The following ASAP2 variants were observed in gnomAD, a reference collection of about 807,000 sequenced individuals.
The protein encoded by ASAP2 is arf-GAP with SH3 domain, ANK repeat and PH domain-containing protein 2.
A neutral mutation model predicts 131.4 loss-of-function variants in ASAP2; 45 were observed. The ratio of observed to expected loss-of-function variants is 0.34; its 90% CI spans 0.27 to 0.44. The LOEUF (loss-of-function observed/expected upper bound fraction) is 0.44. ASAP2 is among the 20% of genes least tolerant of loss of function. The pLI is 1.00. For synonymous variants in ASAP2, 510 were observed against 503.0 expected (o/e 1.01, Z -0.19); for missense variants, 1,011 against 1,297.0 (o/e 0.78, Z 3.39).
At chr2:9,292,286 G>A (rs934947801) in intron 2 of ASAP2, among the ~76,000 whole-genome samples, 5 of 152,146 alleles carry the variant, frequency 3.3e-5, no homozygotes, top group African/African-American at 7.2e-5. Context: ...TTGGGAGGCT[G>A]AGGAGGGTGG....
chr2:9,334,841 T>TA (rs1321927543), intron 8 of ASAP2, 28 bp downstream of exon 8: 1 of 1,584,284 alleles, frequency 6.3e-7, no homozygotes, highest in African/African-American at 1.4e-5. Flanking sequence ...CACTGTGGTT[T>TA]AAAACCATCT....
intron 9 of ASAP2, among the ~76,000 whole-genome samples, chr2:9,339,329 T>C (rs534380175): frequency 2.0e-5 from 3 of 152,162 alleles, no homozygotes; most frequent in African/African-American, 7.2e-5. Flanking sequence ...ATTTGAATCC[T>C]GGGTCTCCCA....
intron 25 of ASAP2, 147 bp downstream of exon 25, chr2:9,400,219 TCCCCTCCTGCCCCC>T (rs1329343333): frequency 6.0e-5 from 27 of 453,364 alleles, no homozygotes; most frequent in South Asian, 2.4e-4. Context: ...TCCTGCCCCC[TCCCCTCCTGCCCCC>T]TCCCCTCCTG....
At chr2:9,237,095 C>T (rs567132847) in intron 1 of ASAP2, among the ~76,000 whole-genome samples, 1 of 152,194 alleles carries the variant, frequency 6.6e-6, no homozygotes, top group South Asian at 2.1e-4. Flanking sequence ...AGTCTCTGAC[C>T]TCTTGGCTGT....
chr2:9,383,606 A>T (rs926533165), intron 20 of ASAP2, among the ~76,000 whole-genome samples: 4 of 152,174 alleles, frequency 2.6e-5, no homozygotes, highest in Non-Finnish European at 5.9e-5. Context: ...ACATTTTAGC[A>T]GAATTCAGAC....
chr2:9,367,336 C>A (rs528382429), intron 15 of ASAP2, among the ~76,000 whole-genome samples: 1 of 152,202 alleles, frequency 6.6e-6, no homozygotes, highest in Admixed American at 6.5e-5. Context: ...CCTGGCCTGC[C>A]TGCATAATCA....
intron 21 of ASAP2, among the ~76,000 whole-genome samples, chr2:9,385,853 A>T (rs1323827690): frequency 6.6e-6 from 1 of 152,254 alleles, no homozygotes; most frequent in Non-Finnish European, 1.5e-5. Flanking sequence ...AAAGTGAAGC[A>T]GCTATTTAGA....
chr2:9,220,957 A>G (rs2147978856), intron 1 of ASAP2, among the ~76,000 whole-genome samples: 1 of 152,192 alleles, frequency 6.6e-6, no homozygotes, highest in South Asian at 2.1e-4. Context: ...AAGTTGATTT[A>G]CTTCTGATAT....
intron 9 of ASAP2, among the ~76,000 whole-genome samples, chr2:9,341,236 C>T (rs1572497746): frequency 1.3e-5 from 2 of 152,106 alleles, no homozygotes; most frequent in Admixed American, 6.5e-5. Flanking sequence ...CCTGGTCAGG[C>T]GTTTTGTACA....
intron 22 of ASAP2, among the ~76,000 whole-genome samples, chr2:9,390,774 T>G (rs780538688): frequency 6.6e-6 from 1 of 152,206 alleles, no homozygotes; most frequent in Non-Finnish European, 1.5e-5. Flanking sequence ...ATTTCCTTCT[T>G]CAAATGATAC....
chr2:9,376,078 C>T (rs1674377151), intron 17 of ASAP2, among the ~76,000 whole-genome samples: 1 of 152,268 alleles, frequency 6.6e-6, no homozygotes, highest in African/African-American at 2.4e-5. Context: ...GGCTGCCTAT[C>T]AGCAAGGATG....
intron 1 of ASAP2, among the ~76,000 whole-genome samples, chr2:9,249,154 C>T (rs1024445494): frequency 3.3e-5 from 5 of 152,158 alleles, no homozygotes; most frequent in African/African-American, 9.7e-5. Flanking sequence ...CTAGGCTGGC[C>T]CTCTTGGGGC....
chr2:9,222,727 C>T (rs1043499899), intron 1 of ASAP2, among the ~76,000 whole-genome samples: 2 of 152,058 alleles, frequency 1.3e-5, no homozygotes, highest in Non-Finnish European at 2.9e-5. Context: ...GAAGAGGTGC[C>T]GGTGGGTGTG....
chr2:9,317,162 A>G (rs1669760254), intron 3 of ASAP2, among the ~76,000 whole-genome samples: 1 of 99,758 alleles, frequency 1.0e-5, no homozygotes, highest in South Asian at 2.9e-4. Context: ...ACTCACATCC[A>G]CACTCTCACC....
At chr2:9,378,595 G>A (rs1280925620) in intron 18 of ASAP2, among the ~76,000 whole-genome samples, 2 of 152,186 alleles carry the variant, frequency 1.3e-5, no homozygotes, top group Non-Finnish European at 1.5e-5. Context: ...CAGCAGCCTC[G>A]GCGCAGCCAG....
chr2:9,400,897 G>C, intron 26 of ASAP2, 67 bp downstream of exon 26: 1 of 1,482,828 alleles, frequency 6.7e-7, no homozygotes, highest in South Asian at 1.1e-5. Flanking sequence ...TTTCACAAGG[G>C]CTCAGGGGAA....
At chr2:9,344,106 TG>T (rs1671787202) in intron 9 of ASAP2, among the ~76,000 whole-genome samples, 1 of 152,234 alleles carries the variant, frequency 6.6e-6, no homozygotes, top group South Asian at 2.1e-4. Flanking sequence ...AGAGCTTATG[TG>T]ATGGTTCTGT....
intron 3 of ASAP2, among the ~76,000 whole-genome samples, chr2:9,300,772 AAGT>A (rs1668427380): frequency 6.6e-6 from 1 of 152,176 alleles, no homozygotes; most frequent in African/African-American, 2.4e-5. Flanking sequence ...CTCCAAACCC[AAGT>A]TGTTGTCATT....
chr2:9,207,349 C>A lies in ASAP2; in HGVS notation c.126+119C>A. On this transcript the variant is annotated intron_variant, in intron 1 of 27. Coordinates refer to ENST00000281419, the MANE Select transcript of ASAP2 (RefSeq NM_003887.3). This position sits in a 1 kb window ranked among gnomAD's most constrained non-coding sequence, Gnocchi z 4.1. Reference sequence around the variant, plus strand: ...TGCTCCGAAGCCGGACGCGGCCGGGCCAACCCTGCCCGAGACAGAAGCCCT... The same window carrying A: ...TGCTCCGAAGCCGGACGCGGCCGGGACAACCCTGCCCGAGACAGAAGCCCT... 2 of 1,333,702 alleles carry A rather than the reference C, an allele frequency of 1.5e-6. No homozygotes were observed. Among genetic ancestry groups the A allele is most frequent in the Non-Finnish European group, 2.0e-6 (2 of 1,020,980 alleles). 82.6% of individuals were successfully genotyped at this position (1,333,702 alleles called of 1,614,324 possible). A position where few individuals can be genotyped will look rare whatever the true frequency, so the allele number is the denominator to read the frequency against.
Sources: allele counts gnomAD v4.1 joint callset (sites outside exome capture counted in the v4.1 genomes callset), GRCh38; gene constraint gnomAD v4.1.1; non-coding constraint Gnocchi (gnomAD v3.1); transcripts MANE v1.5; gene names NCBI Gene and HGNC (gene_info 2026-07-23, HGNC 2026-07-21).